Variants in HS3ST4 observed in about 807,000 individuals in gnomAD.
The protein encoded by HS3ST4 is heparan sulfate-glucosamine 3-sulfotransferase 4, also known as heparan sulfate glucosamine 3-O-sulfotransferase 4.
Under a neutral mutation model 29.2 loss-of-function variants are expected in HS3ST4, and 17 were observed. That is an observed-to-expected ratio of 0.58 (90% CI 0.40 to 0.87). The LOEUF is 0.87. HS3ST4 is among the 40% of genes least tolerant of loss of function. The pLI is 0.00. For synonymous variants in HS3ST4, 314 were observed against 285.7 expected (o/e 1.10, Z -1.00); for missense variants, 627 against 634.5 (o/e 0.99, Z 0.13).
chr16:25,744,874 A>G (rs950847458), intron 1 of HS3ST4, among the ~76,000 whole-genome samples: 1 of 152,166 alleles, frequency 6.6e-6, no homozygotes, highest in East Asian at 1.9e-4. Context: ...GCCTTCCACC[A>G]TGATTGTGAG....
intron 1 of HS3ST4, among the ~76,000 whole-genome samples, chr16:26,125,864 C>G (rs61499034): frequency 0.012 from 1,778 of 152,280 alleles, 32 homozygotes; most frequent in African/African-American, 0.04. Flanking sequence ...TTTAAATGTA[C>G]GCCTGGAACC....
At chr16:25,711,602 C>A in intron 1 of HS3ST4, among the ~76,000 whole-genome samples, 1 of 151,916 alleles carries the variant, frequency 6.6e-6, no homozygotes, top group Admixed American at 6.6e-5. Flanking sequence ...TTTTAGCCAC[C>A]CCTCCCAAAA....
chr16:25,830,542 T>C (rs1394096167), intron 1 of HS3ST4, among the ~76,000 whole-genome samples: 1 of 152,180 alleles, frequency 6.6e-6, no homozygotes, highest in Non-Finnish European at 1.5e-5. Flanking sequence ...ATCCAATGAC[T>C]AAGTTGACTT....
intron 1 of HS3ST4, among the ~76,000 whole-genome samples, chr16:25,810,190 AT>A (rs1967029094): frequency 6.6e-6 from 1 of 151,832 alleles, no homozygotes; most frequent in African/African-American, 2.4e-5. Flanking sequence ...AGTCCTCTAT[AT>A]TTTTTTGAGA....
chr16:25,726,028 A>G (rs925592851), intron 1 of HS3ST4, among the ~76,000 whole-genome samples: 2 of 152,212 alleles, frequency 1.3e-5, no homozygotes, highest in African/African-American at 4.8e-5. Context: ...AACCATGCTT[A>G]CTATGAATAA....
chr16:26,090,576 T>C (rs779923135), intron 1 of HS3ST4, among the ~76,000 whole-genome samples: 1 of 151,680 alleles, frequency 6.6e-6, no homozygotes, highest in South Asian at 2.1e-4. Context: ...TAAAAGCAAC[T>C]AGATTCAAAA....
intron 1 of HS3ST4, among the ~76,000 whole-genome samples, chr16:26,042,261 T>A (rs193207048): frequency 6.6e-6 from 1 of 152,280 alleles, no homozygotes; most frequent in Admixed American, 6.5e-5. Flanking sequence ...CTGAAATTAG[T>A]CAAAGACCAA....
At chr16:25,826,614 A>G (rs549572919) in intron 1 of HS3ST4, among the ~76,000 whole-genome samples, 25 of 152,148 alleles carry the variant, frequency 1.6e-4, no homozygotes, top group Non-Finnish European at 3.2e-4. Context: ...AAGGGAAATG[A>G]ACATGTGAGG....
At chr16:25,898,856 G>A (rs75467628) in intron 1 of HS3ST4, among the ~76,000 whole-genome samples, 90 of 152,268 alleles carry the variant, frequency 5.9e-4, no homozygotes, top group Non-Finnish European at 1.2e-3. Context: ...CAAGACTTAC[G>A]TGAGAATTTA....
chr16:26,127,021 A>C (rs1328143004), intron 1 of HS3ST4, among the ~76,000 whole-genome samples: 1 of 151,764 alleles, frequency 6.6e-6, no homozygotes, highest in East Asian at 1.9e-4. Flanking sequence ...GGAGTGTGTG[A>C]TGGTGGTGGT....
intron 1 of HS3ST4, among the ~76,000 whole-genome samples, chr16:25,715,430 T>C (rs979469290): frequency 6.6e-6 from 1 of 151,974 alleles, no homozygotes; most frequent in African/African-American, 2.4e-5. Flanking sequence ...AGGATGGTGA[T>C]TCCATATGCA....
At chr16:25,909,685 A>G (rs545097086) in intron 1 of HS3ST4, among the ~76,000 whole-genome samples, 8 of 152,320 alleles carry the variant, frequency 5.3e-5, no homozygotes, top group African/African-American at 9.6e-5. Context: ...TACTTGCGGT[A>G]TCTCATTTAA....
chr16:25,889,917 C>T (rs990086672), intron 1 of HS3ST4, among the ~76,000 whole-genome samples: 7 of 152,110 alleles, frequency 4.6e-5, no homozygotes, highest in Middle Eastern at 3.2e-3. Flanking sequence ...CTCTCTCTCT[C>T]TCTCTCTTGC....
intron 1 of HS3ST4, among the ~76,000 whole-genome samples, chr16:25,863,747 G>A (rs1967661987): frequency 1.3e-5 from 2 of 152,152 alleles, no homozygotes; most frequent in Non-Finnish European, 2.9e-5. Flanking sequence ...TTCCTTTAAT[G>A]TCAACTGAAC....
At chr16:25,896,527 G>A (rs980323185) in intron 1 of HS3ST4, among the ~76,000 whole-genome samples, 4 of 152,136 alleles carry the variant, frequency 2.6e-5, no homozygotes, top group South Asian at 2.1e-4. Context: ...TGGAGAAAAG[G>A]CAACATTTAT....
intron 1 of HS3ST4, among the ~76,000 whole-genome samples, chr16:25,994,393 C>T (rs1323813926): frequency 1.3e-5 from 2 of 151,314 alleles, no homozygotes; most frequent in Non-Finnish European, 2.9e-5. Flanking sequence ...TCTTTATTTT[C>T]CCATTTCATC....
intron 1 of HS3ST4, among the ~76,000 whole-genome samples, chr16:25,800,130 C>T (rs995289782): frequency 6.6e-6 from 1 of 151,022 alleles, no homozygotes; most frequent in African/African-American, 2.4e-5. Flanking sequence ...TCCTGCCTTC[C>T]TCTGAGTGTC....
At chr16:25,935,410 C>T (rs559659412) in intron 1 of HS3ST4, among the ~76,000 whole-genome samples, 23 of 152,172 alleles carry the variant, frequency 1.5e-4, no homozygotes, top group African/African-American at 4.8e-4. Flanking sequence ...GGCTTGTGTC[C>T]ATCATTATAG....
At chr16:25,919,966 A>G (rs1205487102) in intron 1 of HS3ST4, among the ~76,000 whole-genome samples, 1 of 152,174 alleles carries the variant, frequency 6.6e-6, no homozygotes, top group Non-Finnish European at 1.5e-5. Context: ...CTCCTCCCTA[A>G]GCTATGAGTG....
Sources: allele counts gnomAD v4.1 joint callset (sites outside exome capture counted in the v4.1 genomes callset), GRCh38; gene constraint gnomAD v4.1.1; transcripts MANE v1.5; gene names NCBI Gene and HGNC (gene_info 2026-07-23, HGNC 2026-07-21).